The following TLCD4 variants were observed in gnomAD, a reference collection of about 807,000 sequenced individuals.
TLCD4 encodes the protein TLC domain containing 4.
Under a neutral mutation model 24.2 loss-of-function variants are expected in TLCD4, and 7 were observed. The ratio of observed to expected loss-of-function variants is 0.29; its 90% CI spans 0.16 to 0.54. TLCD4 has a LOEUF of 0.54. Among genes scored for constraint, TLCD4 ranks in the 20% least tolerant of loss-of-function variants. The pLI is 0.95. For synonymous variants in TLCD4, 103 were observed against 106.4 expected, an observed-to-expected ratio of 0.97 and a Z score of 0.20; for missense variants, 259 against 313.9, an observed-to-expected ratio of 0.82 and a Z score of 1.32.
At chr1:95,117,006 T>C (rs1262596356), upstream of TLCD4, among the ~76,000 whole-genome samples, 1 of 152,234 alleles carries the variant, frequency 6.6e-6, no homozygotes, top group African/African-American at 2.4e-5. Context: ...TCCCCAGTAT[T>C]TGAGCATTTA....
In TLCD4 at chr1:95,133,739, G is replaced by C. The variant is rs142245310; in HGVS notation, c.-11-10152G>C. 3.2e-3 allele frequency among the ~76,000 whole-genome samples: 488 copies of C among 151,878 alleles called. 1 individual carries two copies. The highest frequency in any genetic ancestry group is 6.8e-3 in the Middle Eastern group (2 of 294). Reference sequence around the variant, plus strand: ...GAGTGGCAAATGGTTGGAGTGGAGGGCAGTGTTGAGGGCTGTCTGATCCCT... The same window carrying C: ...GAGTGGCAAATGGTTGGAGTGGAGGCCAGTGTTGAGGGCTGTCTGATCCCT... On this transcript the variant is annotated intron_variant, in intron 1 of 6. Coordinates refer to ENST00000370203, the MANE Select transcript of TLCD4 (RefSeq NM_152487.3).
At chr1:95,119,399 T>C (rs757767018) in intron 1 of TLCD4, among the ~76,000 whole-genome samples, 2 of 152,160 alleles carry the variant, frequency 1.3e-5, no homozygotes, top group Non-Finnish European at 2.9e-5. Flanking sequence ...GTTAGACTGA[T>C]TAAGAGCCTT....
At chr1:95,113,775 A>G (rs1048240283), upstream of TLCD4, among the ~76,000 whole-genome samples, 1 of 152,210 alleles carries the variant, frequency 6.6e-6, no homozygotes, top group Non-Finnish European at 1.5e-5. Flanking sequence ...TCATCCATCC[A>G]GAAAACTGAG....
chr1:95,171,673 G>C (rs904285197), intron 5 of TLCD4, among the ~76,000 whole-genome samples: 9 of 152,054 alleles, frequency 5.9e-5, no homozygotes, highest in Non-Finnish European at 1.5e-5. Context: ...ATATATATTA[G>C]TATATAATGA....
intron 5 of TLCD4, among the ~76,000 whole-genome samples, chr1:95,169,840 G>A (rs766621323): frequency 1.2e-4 from 19 of 152,104 alleles, no homozygotes; most frequent in African/African-American, 3.4e-4. Flanking sequence ...GCACCATTGC[G>A]CCCAGCCTAA....
At chr1:95,140,256 G>A (rs757644767) in intron 1 of TLCD4, among the ~76,000 whole-genome samples, 1 of 152,140 alleles carries the variant, frequency 6.6e-6, no homozygotes, top group Non-Finnish European at 1.5e-5. Flanking sequence ...TTATATGACC[G>A]TCAGTGCAGT....
intron 6 of TLCD4, among the ~76,000 whole-genome samples, chr1:95,188,337 A>G (rs1341699502): frequency 2.7e-5 from 4 of 150,580 alleles, no homozygotes; most frequent in Non-Finnish European, 5.9e-5. Context: ...GCAGTGAGCC[A>G]AGATCGCGCC....
At chr1:95,155,156 C>A (rs1200071482) in intron 5 of TLCD4, among the ~76,000 whole-genome samples, 1 of 151,962 alleles carries the variant, frequency 6.6e-6, no homozygotes, top group Non-Finnish European at 1.5e-5. Flanking sequence ...TTCCCCCCCA[C>A]CTTATAAACC....
chr1:95,188,245 G>A (rs182187542), intron 6 of TLCD4, among the ~76,000 whole-genome samples: 13 of 152,016 alleles, frequency 8.6e-5, no homozygotes, highest in African/African-American at 2.9e-4. Flanking sequence ...AAAATTAGCC[G>A]GGCATGGTGG....
upstream of TLCD4, among the ~76,000 whole-genome samples, chr1:95,113,043 CTTTT>C (rs1054737210): frequency 3.7e-5 from 5 of 136,710 alleles, no homozygotes; most frequent in Admixed American, 7.4e-5. Flanking sequence ...TCTTTTCTTT[CTTTT>C]TTTTTTTTTT....
chr1:95,131,463 C>T (rs185021329), intron 1 of TLCD4, among the ~76,000 whole-genome samples: 3 of 152,256 alleles, frequency 2.0e-5, no homozygotes, highest in Admixed American at 1.3e-4. Context: ...AGATGGAGTC[C>T]TCGTAAGAGC....
intron 1 of TLCD4, among the ~76,000 whole-genome samples, chr1:95,125,107 C>T (rs1049357628): frequency 1.3e-5 from 2 of 152,212 alleles, no homozygotes; most frequent in Admixed American, 1.3e-4. Context: ...TTATCTGGAT[C>T]TGAACTTCCA....
intron 1 of TLCD4, among the ~76,000 whole-genome samples, chr1:95,132,543 T>C (rs1444491508): frequency 2.0e-5 from 3 of 151,672 alleles, no homozygotes; most frequent in African/African-American, 7.3e-5. Flanking sequence ...AACCATTCAC[T>C]GAGATGAAGA....
intron 6 of TLCD4, among the ~76,000 whole-genome samples, chr1:95,190,858 T>C (rs991063768): frequency 1.3e-5 from 2 of 152,250 alleles, no homozygotes; most frequent in African/African-American, 4.8e-5. Flanking sequence ...TTAAGAATTC[T>C]TTGTGTACTT....
intron 2 of TLCD4, among the ~76,000 whole-genome samples, chr1:95,145,358 G>A (rs1032961120): frequency 4.0e-5 from 6 of 151,884 alleles, no homozygotes; most frequent in African/African-American, 1.4e-4. Flanking sequence ...TGTTTTGCAG[G>A]CATCTACTTT....
intron 6 of TLCD4, among the ~76,000 whole-genome samples, chr1:95,181,920 G>A (rs1315623840): frequency 6.6e-6 from 1 of 152,040 alleles, no homozygotes; most frequent in Non-Finnish European, 1.5e-5. Context: ...CACCTGGCAG[G>A]CCTTCAATCT....
chr1:95,163,597 T>A (rs1677906464), intron 5 of TLCD4: 1 of 152,208 alleles, frequency 6.6e-6, no homozygotes, highest in Non-Finnish European at 1.5e-5. Flanking sequence ...TTTTTAGAAT[T>A]TTCAGCTTTT....
At chr1:95,092,833 G>GCAA in the TLCD4 span, among the ~76,000 whole-genome samples, 1 of 152,222 alleles carries the variant, frequency 6.6e-6, no homozygotes, top group African/African-American at 2.4e-5. Flanking sequence ...CTGTCTCCTG[G>GCAA]GTTCAAGTGA....
chr1:95,138,819 G>A (rs1677117303), intron 1 of TLCD4, among the ~76,000 whole-genome samples: 1 of 151,722 alleles, frequency 6.6e-6, no homozygotes, highest in South Asian at 2.1e-4. Flanking sequence ...ACATGGTGTA[G>A]ACAGATGCTA....
Sources: allele counts gnomAD v4.1 joint callset (sites outside exome capture counted in the v4.1 genomes callset), GRCh38; gene constraint gnomAD v4.1.1; transcripts MANE v1.5; gene names NCBI Gene and HGNC (gene_info 2026-07-23, HGNC 2026-07-21).